The following MYRIP variants were observed in gnomAD, a reference collection of about 807,000 sequenced individuals.
MYRIP encodes the protein rab effector MyRIP.
MYRIP carries 49 observed loss-of-function variants against 98.0 expected under a neutral mutation model. That is an observed-to-expected ratio of 0.50 (90% CI 0.40 to 0.63). The LOEUF (loss-of-function observed/expected upper bound fraction) is 0.63. MYRIP is among the 30% of genes least tolerant of loss of function. The pLI, the probability that MYRIP is intolerant of heterozygous loss-of-function variation, is 0.00. For missense variants in MYRIP, 1,004 were observed against 1,058.2 expected, an observed-to-expected ratio of 0.95 and a Z score of 0.71; for synonymous variants, 404 against 409.5, an observed-to-expected ratio of 0.99 and a Z score of 0.16.
At chr3:40,069,363 C>A (rs1178987320) in intron 3 of MYRIP, among the ~76,000 whole-genome samples, 2 of 151,314 alleles carry the variant, frequency 1.3e-5, no homozygotes, top group African/African-American at 4.9e-5. Flanking sequence ...GATTCTAATC[C>A]AACCTACCTC....
intron 1 of MYRIP, among the ~76,000 whole-genome samples, chr3:39,871,022 T>C (rs369366198): frequency 2.6e-5 from 4 of 152,342 alleles, no homozygotes; most frequent in Middle Eastern, 6.8e-3. Context: ...CATTTTCCCA[T>C]GTAGGTGGGC....
chr3:39,837,816 A>AT (rs1941674540), intron 1 of MYRIP, among the ~76,000 whole-genome samples: 1 of 152,204 alleles, frequency 6.6e-6, no homozygotes, highest in Admixed American at 6.5e-5. Flanking sequence ...CAGAATGGCC[A>AT]TTTTTGTGAT....
At position 39,934,487 on chromosome 3, in the gene MYRIP, A is replaced by T. The variant is rs1225134667; in HGVS notation, c.110+33561A>T. Among the ~76,000 whole-genome samples, 3 of 152,206 alleles carry T rather than the reference A, an allele frequency of 2.0e-5. 1 individual carries two copies. Among genetic ancestry groups the T allele is most frequent in the African/African-American group, 7.2e-5 (3 of 41,560 alleles). ...GGAGGAGAGCCCAAACCAGCATGCT[A>T]TGCAAGCAGAATCATGGCAGAACAG... On this transcript the variant is annotated intron_variant, in intron 2 of 16. Transcript: ENST00000302541.
intron 9 of MYRIP, among the ~76,000 whole-genome samples, chr3:40,183,183 T>G (rs1009376470): frequency 6.6e-6 from 1 of 152,210 alleles, no homozygotes; most frequent in Non-Finnish European, 1.5e-5. Context: ...ACTGGTCACG[T>G]GGCCCCACCT....
intron 3 of MYRIP, among the ~76,000 whole-genome samples, chr3:40,096,601 C>G (rs1482343217): frequency 6.6e-6 from 1 of 152,198 alleles, no homozygotes; most frequent in East Asian, 1.9e-4. Context: ...ATGGCCGTCT[C>G]AGGCCAGAAT....
rs943824400 is a variant in MYRIP, at chr3:39,844,695, T to C, written c.-31+34779T>C. ...TAGTCAGAGGTTCAATGCCAGGGCC[T>C]TGTAGCAAGCATGAGCTGTTTCTCA... On this transcript the variant is annotated intron_variant, in intron 1 of 16. Transcript: ENST00000302541. 2.0e-5 allele frequency among the ~76,000 whole-genome samples: 3 copies of C among 152,222 alleles called. No homozygotes were observed. In the South Asian group the frequency reaches 6.2e-4, roughly 32 times the overall value.
chr3:39,900,197 T>A (rs1489975498), intron 1 of MYRIP, among the ~76,000 whole-genome samples: 1 of 152,214 alleles, frequency 6.6e-6, no homozygotes, highest in Non-Finnish European at 1.5e-5. Flanking sequence ...TACAATATCA[T>A]CTTTGCTGCT....
At chr3:39,963,248 C>T (rs1366089030) in intron 2 of MYRIP, among the ~76,000 whole-genome samples, 8 of 151,998 alleles carry the variant, frequency 5.3e-5, no homozygotes, top group Admixed American at 4.6e-4. Context: ...AGTGAACAGC[C>T]GGCAAAGTCA....
intron 1 of MYRIP, among the ~76,000 whole-genome samples, chr3:39,827,858 T>C (rs1941317826): frequency 6.7e-6 from 1 of 149,440 alleles, no homozygotes; most frequent in African/African-American, 2.5e-5. Context: ...CTTTGCCGAA[T>C]ATAATATTCT....
intron 3 of MYRIP, among the ~76,000 whole-genome samples, chr3:40,102,096 T>C (rs1033361954): frequency 3.3e-5 from 5 of 152,200 alleles, no homozygotes; most frequent in African/African-American, 1.2e-4. Context: ...CAGTGACAGA[T>C]GGGGGCCAAG....
At chr3:40,031,801 G>A (rs1947267693) in intron 2 of MYRIP, among the ~76,000 whole-genome samples, 1 of 152,046 alleles carries the variant, frequency 6.6e-6, no homozygotes, top group Non-Finnish European at 1.5e-5. Context: ...ATTCTCTGAT[G>A]GTAGTTTGTA....
At chr3:39,895,450 G>C (rs752167330) in intron 1 of MYRIP, among the ~76,000 whole-genome samples, 1 of 151,986 alleles carries the variant, frequency 6.6e-6, no homozygotes, top group Non-Finnish European at 1.5e-5. Flanking sequence ...GCCTCCCAAA[G>C]TTCTGGAATT....
intron 1 of MYRIP, among the ~76,000 whole-genome samples, chr3:39,819,491 G>T (rs1353389079): frequency 6.6e-6 from 1 of 152,206 alleles, no homozygotes; most frequent in African/African-American, 2.4e-5. Flanking sequence ...GTCCAGCTCT[G>T]CCCCTGTCTC....
chr3:40,160,101 C>T (rs2125586938), intron 4 of MYRIP, among the ~76,000 whole-genome samples: 1 of 152,322 alleles, frequency 6.6e-6, no homozygotes, highest in East Asian at 1.9e-4. Context: ...TTTTTCTGCT[C>T]TGTTTTTCCC....
At chr3:39,935,756 C>CTGTTGTTGTATGTA (rs1164988400) in intron 2 of MYRIP, among the ~76,000 whole-genome samples, 1 of 152,078 alleles carries the variant, frequency 6.6e-6, no homozygotes, top group Non-Finnish European at 1.5e-5. Flanking sequence ...ACAGGAAATG[C>CTGTTGTTGTATGTA]TGATGTATGG....
At chr3:40,105,528 G>T (rs1228569362) in intron 3 of MYRIP, among the ~76,000 whole-genome samples, 1 of 152,174 alleles carries the variant, frequency 6.6e-6, no homozygotes, top group Non-Finnish European at 1.5e-5. Flanking sequence ...AGGACTGAGA[G>T]AGAGAGGGGA....
chr3:39,904,681 G>A (rs1292865772), intron 2 of MYRIP, among the ~76,000 whole-genome samples: 1 of 152,116 alleles, frequency 6.6e-6, no homozygotes, highest in African/African-American at 2.4e-5. Context: ...TTCTTTACAG[G>A]ACTCCTACTA....
At chr3:40,188,746 C>A (rs1423864235) in intron 9 of MYRIP, among the ~76,000 whole-genome samples, 1 of 149,798 alleles carries the variant, frequency 6.7e-6, no homozygotes, top group African/African-American at 2.4e-5. Flanking sequence ...CATTGCACTG[C>A]AGCCTGGGCA....
At chr3:39,823,846 G>GC (rs1282301954) in intron 1 of MYRIP, among the ~76,000 whole-genome samples, 1 of 151,946 alleles carries the variant, frequency 6.6e-6, no homozygotes, top group Non-Finnish European at 1.5e-5. Context: ...CTTTGGAGAA[G>GC]CTTTTTAGTT....
Sources: allele counts gnomAD v4.1 joint callset (sites outside exome capture counted in the v4.1 genomes callset), GRCh38; gene constraint gnomAD v4.1.1; transcripts MANE v1.5; gene names NCBI Gene and HGNC (gene_info 2026-07-23, HGNC 2026-07-21).